Variants in JAK1 observed in about 807,000 individuals in gnomAD.
JAK1 encodes the protein tyrosine-protein kinase JAK1.
In JAK1, 16 loss-of-function variants were observed where a neutral mutation model predicts 136.6. That is an observed-to-expected ratio of 0.12 (90% confidence interval 0.08 to 0.18). The LOEUF (loss-of-function observed/expected upper bound fraction) is 0.18, where lower values mean the gene tolerates loss of function less well. Among genes scored for constraint, JAK1 ranks in the 10% least tolerant of loss-of-function variants. JAK1 has a pLI of 1.00. For synonymous variants in JAK1, 492 were observed against 519.5 expected, an observed-to-expected ratio of 0.95 and a Z score of 0.72; for missense variants, 859 against 1,450.1, an observed-to-expected ratio of 0.59 and a Z score of 6.62.
intron 1 of JAK1, among the ~76,000 whole-genome samples, chr1:65,044,892 T>C (rs1647170810): frequency 6.6e-6 from 1 of 152,196 alleles, no homozygotes; most frequent in Non-Finnish European, 1.5e-5. Context: ...AACATAACAA[T>C]GAACTGTTGC....
intron 1 of JAK1, among the ~76,000 whole-genome samples, chr1:64,935,502 T>C (rs759159575): frequency 3.9e-5 from 6 of 152,160 alleles, no homozygotes; most frequent in Non-Finnish European, 8.8e-5. Context: ...GGTTTCGCCA[T>C]GTTGGTCAGG....
intron 9 of JAK1, 111 bp from the exon 10 acceptor site, chr1:64,857,890 T>A: frequency 7.7e-7 from 1 of 1,292,136 alleles, no homozygotes; most frequent in Non-Finnish European, 1.1e-6. Context: ...CCCATCACAC[T>A]ATCTGCCCTG....
In JAK1 at chr1:64,847,674, C is replaced by T. The variant is rs2101015579; in HGVS notation, c.1757G>A (p.Gly586Asp). 1 of 1,613,654 alleles carries T rather than the reference C, an allele frequency of 6.2e-7. No homozygotes were observed. The highest frequency in any genetic ancestry group is 2.2e-5 in the East Asian group (1 of 44,872). The change falls in exon 13 of 25, where the codon GGC becomes GAC. Residue 586 changes from glycine to aspartate, a missense_variant and splice_region_variant. Gly to Asp is a moderately conservative substitution (Grantham distance 94). Coordinates refer to ENST00000342505, the MANE Select transcript of JAK1 (RefSeq NM_002227.4). ...TCTCGTGCCTCTCCCAAGGTGCTCG[C>T]CCTGAGGGAAGAAGCAGAAGGCTGG... ...DRILKKDLVQ[G>D]EHLGRGTRTH...
chr1:64,925,123 G>A (rs1158783146), intron 1 of JAK1, among the ~76,000 whole-genome samples: 3 of 152,110 alleles, frequency 2.0e-5, no homozygotes, highest in South Asian at 2.1e-4. Flanking sequence ...TAGGCTGGGC[G>A]CAGTGGCTCA....
Position 64,988,492 on chromosome 1 carries a change from T to C in JAK1, c.-78+55988A>G, listed in dbSNP as rs574682275. Among the ~76,000 whole-genome samples the C allele has an allele frequency of 6.6e-5, 10 of 151,714 alleles. No homozygotes were observed. The South Asian group carries it at 1.5e-3, about 22-fold the overall frequency. On this transcript the variant is annotated intron_variant, in intron 2 of 25. Transcript: ENST00000671954. ...AAGCTCCTGTCCCCCCCATAGAAAC[T>C]CAAAAAACAAGCAGAATCTGTCAGA...
At chr1:65,000,500 T>TAA (rs879905363) in intron 2 of JAK1, among the ~76,000 whole-genome samples, 2 of 141,624 alleles carry the variant, frequency 1.4e-5, no homozygotes, top group Admixed American at 7.1e-5. Flanking sequence ...CCCCATCTCT[T>TAA]AAAAAAAAAA....
intron 2 of JAK1, among the ~76,000 whole-genome samples, chr1:65,033,745 GA>G (rs1292847025): frequency 8.4e-6 from 1 of 118,978 alleles, no homozygotes; most frequent in Non-Finnish European, 1.7e-5. Context: ...AAAAAAAAAG[GA>G]AACACTTCCG....
At chr1:65,042,078 A>G (rs568199682) in intron 2 of JAK1, among the ~76,000 whole-genome samples, 70 of 152,210 alleles carry the variant, frequency 4.6e-4, no homozygotes, top group Non-Finnish European at 1.9e-4. Context: ...AAATCTGGAA[A>G]AGAAAAACAA....
Position 64,835,420 on chromosome 1 carries a change from C to G in JAK1, c.3345G>C (p.Pro1115=), listed in dbSNP as rs373643973. 6.2e-7 allele frequency: 1 copy of G among 1,605,642 alleles called. No homozygotes were observed. The highest frequency in any genetic ancestry group is 1.3e-5 in the African/African-American group (1 of 74,466). The change falls in exon 24 of 25, where the codon CCG becomes CCC. Residue 1115 remains proline, a synonymous_variant. Coordinates refer to ENST00000342505, the MANE Select transcript of JAK1 (RefSeq NM_002227.4). The stretch of plus-strand genomic sequence containing the variant: ...CCTCATCTGGACAGTTAGGTGGGCA[C>G]GGCAGGCGTTTTCCTTCTTTTAACG... ...VNTLKEGKRL[P]CPPNCPDEVY...
intron 2 of JAK1, among the ~76,000 whole-genome samples, chr1:64,983,323 A>G (rs1646567365): frequency 6.6e-6 from 1 of 152,224 alleles, no homozygotes; most frequent in South Asian, 2.1e-4. Context: ...CACTCGGCAC[A>G]GGACCACGGT....
intron 3 of JAK1, among the ~76,000 whole-genome samples, chr1:64,881,066 C>T (rs965414295): frequency 2.4e-4 from 37 of 151,836 alleles, no homozygotes; most frequent in Non-Finnish European, 1.5e-4. Context: ...GTCAAGAGTT[C>T]GACACCAGCC....
chr1:64,911,146 A>G (rs1645278553), intron 1 of JAK1, among the ~76,000 whole-genome samples: 2 of 152,182 alleles, frequency 1.3e-5, no homozygotes, highest in South Asian at 4.1e-4. Context: ...ATTCACATAA[A>G]ATTGAAGAAA....
At chr1:64,970,010 C>A (rs1234103403), upstream of JAK1, among the ~76,000 whole-genome samples, 1 of 151,546 alleles carries the variant, frequency 6.6e-6, no homozygotes, top group South Asian at 2.1e-4. Context: ...GTGGCACATG[C>A]CTGTGGTCCC....
At chr1:64,897,304 C>A (rs1033029228) in intron 1 of JAK1, among the ~76,000 whole-genome samples, 20 of 151,156 alleles carry the variant, frequency 1.3e-4, no homozygotes, top group African/African-American at 4.9e-4. Flanking sequence ...GTGGTGAGCA[C>A]CTGTAGTCCC....
At chr1:64,861,971 T>C (rs1004464144) in intron 8 of JAK1, among the ~76,000 whole-genome samples, 1 of 152,210 alleles carries the variant, frequency 6.6e-6, no homozygotes, top group African/African-American at 2.4e-5. Flanking sequence ...TGCACTTACA[T>C]TTCCTGAGAA....
chr1:64,876,597 C>T (rs1366571979), intron 4 of JAK1: 2 of 152,124 alleles, frequency 1.3e-5, no homozygotes, highest in African/African-American at 4.8e-5. Context: ...CTCCCTATCA[C>T]CCATAAGACC....
rs1655176567 is a variant in JAK1, at chr1:64,845,568, G to T, written c.2060C>A (p.Thr687Asn). ...LFMHRKSDVL[T>N]TPWKFKVAKQ... ...GGCAACTTTGAATTTCCATGGTGTG[G>T]TAAGGACATCGCTTTTCCGGTGCAT... Residue 687 changes from threonine (T) to asparagine (N), a missense_variant, in exon 15 of 25, where the codon ACC (threonine) becomes AAC (asparagine). Around this residue, in one of 4 missense-constraint regions of JAK1, gnomAD observed 409 missense variants for 753.8 expected, o/e 0.54. Transcript: ENST00000342505. 6.2e-7 allele frequency: 1 copy of T among 1,614,040 alleles called. No homozygotes were observed. Among genetic ancestry groups the T allele is most frequent in the African/African-American group, 1.3e-5 (1 of 74,914 alleles).
chr1:64,865,680 C>A (rs1656654823), intron 7 of JAK1, among the ~76,000 whole-genome samples: 1 of 152,154 alleles, frequency 6.6e-6, no homozygotes, highest in Non-Finnish European at 1.5e-5. Context: ...ACCTATTATA[C>A]AGAAAACCCT....
intron 2 of JAK1, among the ~76,000 whole-genome samples, chr1:65,019,966 C>T (rs1646923735): frequency 6.6e-6 from 1 of 151,466 alleles, no homozygotes; most frequent in African/African-American, 2.4e-5. Flanking sequence ...TGGCTCACGC[C>T]TGTAATCAAA....
Sources: allele counts gnomAD v4.1 joint callset (sites outside exome capture counted in the v4.1 genomes callset), GRCh38; gene constraint gnomAD v4.1.1; regional missense constraint gnomAD v4.1.1; transcripts MANE v1.5; gene names NCBI Gene and HGNC (gene_info 2026-07-23, HGNC 2026-07-21).